The following DYNC1I1 variants were observed in gnomAD, a reference collection of about 807,000 sequenced individuals.
The protein encoded by DYNC1I1 is dynein cytoplasmic 1 intermediate chain 1.
Under a neutral mutation model 86.6 loss-of-function variants are expected in DYNC1I1, and 43 were observed. That is an observed-to-expected ratio of 0.50 (90% CI 0.39 to 0.64). The LOEUF (loss-of-function observed/expected upper bound fraction) is 0.64, where lower values mean the gene tolerates loss of function less well. Ranked by LOEUF, DYNC1I1 falls within the 30% of genes least tolerant of loss-of-function variation. DYNC1I1 has a pLI of 0.00. For synonymous variants in DYNC1I1, 262 were observed against 283.7 expected (o/e 0.92, Z 0.77); for missense variants, 604 against 788.8 (o/e 0.77, Z 2.81).
intron 4 of DYNC1I1, among the ~76,000 whole-genome samples, chr7:95,826,043 T>G (rs1289173412): frequency 6.6e-6 from 1 of 152,210 alleles, no homozygotes; most frequent in African/African-American, 2.4e-5. Context: ...CTGCTCAAAG[T>G]GTGTTCCACA....
intron 1 of DYNC1I1, among the ~76,000 whole-genome samples, chr7:95,788,226 C>G (rs998309361): frequency 6.6e-6 from 1 of 152,024 alleles, no homozygotes; most frequent in Non-Finnish European, 1.5e-5. Context: ...ATGAGAAGAC[C>G]CATTAGGGGG....
At chr7:96,108,048 G>A (rs745344137) in intron 16 of DYNC1I1, among the ~76,000 whole-genome samples, 9 of 151,838 alleles carry the variant, frequency 5.9e-5, no homozygotes, top group Admixed American at 1.3e-4. Flanking sequence ...ATATCTTATT[G>A]TATTGGCTAG....
At chr7:96,024,659 A>C (rs924080422) in intron 10 of DYNC1I1, among the ~76,000 whole-genome samples, 2 of 152,164 alleles carry the variant, frequency 1.3e-5, no homozygotes, top group Admixed American at 6.5e-5. Context: ...GAAGTAATGA[A>C]ATTTTTTAAA....
intron 10 of DYNC1I1, among the ~76,000 whole-genome samples, chr7:96,017,498 TA>T (rs1794432386): frequency 6.6e-6 from 1 of 152,188 alleles, no homozygotes. Flanking sequence ...CAGATATTGA[TA>T]TTTTTTAACT....
chr7:95,893,694 C>A (rs1445103763), intron 6 of DYNC1I1, among the ~76,000 whole-genome samples: 3 of 152,120 alleles, frequency 2.0e-5, no homozygotes, highest in Non-Finnish European at 4.4e-5. Flanking sequence ...GATGCAAAAC[C>A]TAGAGATCTA....
rs996078390 is a variant in DYNC1I1 at position 96,066,188 on chromosome 7, T to C, written c.1510-9869T>C. Among the ~76,000 whole-genome samples, 4 of 152,180 alleles carry C rather than the reference T, an allele frequency of 2.6e-5. No homozygotes were observed. The South Asian group carries it at 8.3e-4, about 32-fold the overall frequency. The stretch of plus-strand genomic sequence containing the variant: ...TTATATCCGTCTGGGAATACCATAC[T>C]GACTTAACCAGGTTTTTGCATGTTT... On this transcript the variant is annotated intron_variant, in intron 14 of 16. Coordinates refer to ENST00000447467, the MANE Select transcript of DYNC1I1 (RefSeq NM_001135556.2).
At chr7:96,047,140 C>A (rs183761061) in intron 14 of DYNC1I1, among the ~76,000 whole-genome samples, 1 of 152,112 alleles carries the variant, frequency 6.6e-6, no homozygotes, top group Non-Finnish European at 1.5e-5. Context: ...GGCTAACAGG[C>A]TCCTTGAAGC....
At chr7:95,865,711 A>G (rs1052921107) in intron 5 of DYNC1I1, among the ~76,000 whole-genome samples, 5 of 152,182 alleles carry the variant, frequency 3.3e-5, no homozygotes, top group Non-Finnish European at 7.3e-5. Flanking sequence ...ATTGTGCTAC[A>G]ACTGCCTACG....
intron 5 of DYNC1I1, among the ~76,000 whole-genome samples, chr7:95,836,161 A>T (rs1408953253): frequency 6.6e-6 from 1 of 152,006 alleles, no homozygotes; most frequent in Non-Finnish European, 1.5e-5. Flanking sequence ...CTTTTAGGGC[A>T]GGCCTGGTGG....
intron 7 of DYNC1I1, among the ~76,000 whole-genome samples, chr7:95,978,701 C>T (rs943187698): frequency 2.0e-5 from 3 of 152,118 alleles, no homozygotes; most frequent in Admixed American, 6.5e-5. Context: ...CCTACTGATC[C>T]CAAGTACTCA....
chr7:96,082,033 C>T (rs1790535513), intron 16 of DYNC1I1, among the ~76,000 whole-genome samples: 1 of 152,042 alleles, frequency 6.6e-6, no homozygotes, highest in Non-Finnish European at 1.5e-5. Context: ...TAATATTGGC[C>T]CCAGTGGTGA....
chr7:95,870,091 G>C (rs1790123472), intron 6 of DYNC1I1, 93 bp downstream of exon 6: 1 of 1,087,640 alleles, frequency 9.2e-7, no homozygotes, highest in Non-Finnish European at 1.3e-6. Flanking sequence ...TACCATAAGA[G>C]CTCTTCATGG....
chr7:96,075,131 C>CTGGTGT (rs1790291247), intron 14 of DYNC1I1, among the ~76,000 whole-genome samples: 1 of 152,178 alleles, frequency 6.6e-6, no homozygotes, highest in Admixed American at 6.5e-5. Context: ...TCATGAAGTC[C>CTGGTGT]AATTACGTTT....
At chr7:96,038,640 G>A (rs1489282074) in intron 13 of DYNC1I1, among the ~76,000 whole-genome samples, 2 of 152,050 alleles carry the variant, frequency 1.3e-5, no homozygotes, top group Non-Finnish European at 2.9e-5. Flanking sequence ...TGCCCGTATG[G>A]GATTTACAGT....
intron 16 of DYNC1I1, among the ~76,000 whole-genome samples, chr7:96,094,844 C>T (rs1790955633): frequency 1.3e-5 from 2 of 152,142 alleles, no homozygotes; most frequent in Admixed American, 6.5e-5. Context: ...TCATGTTCTA[C>T]TCTAGAATTT....
chr7:95,806,810 A>T (rs986000258), intron 2 of DYNC1I1, among the ~76,000 whole-genome samples: 7 of 152,074 alleles, frequency 4.6e-5, no homozygotes, highest in African/African-American at 1.7e-4. Flanking sequence ...TCTTTCCTTG[A>T]TTCTGTCCAT....
intron 5 of DYNC1I1, among the ~76,000 whole-genome samples, chr7:95,856,028 C>G (rs1311822035): frequency 6.6e-6 from 1 of 152,146 alleles, no homozygotes; most frequent in Non-Finnish European, 1.5e-5. Flanking sequence ...ACTTTATAAG[C>G]TTTGTAATCT....
rs1198920395 is a variant in DYNC1I1 at position 95,772,620 on chromosome 7, G to C, written c.-163G>C. The C allele has an allele frequency of 1.3e-5, 2 of 152,156 alleles. No individual in the cohort carries two copies. Among genetic ancestry groups the C allele is most frequent in the African/African-American group, 4.8e-5 (2 of 41,434 alleles). The allele number at this position is 152,156 out of a possible 1,614,324, so 9.4% of individuals were successfully genotyped here. A position where few individuals can be genotyped will look rare whatever the true frequency, so the allele number is the denominator to read the frequency against. ...AGAGAGGAAGTGATCGCTCCCGGAG[G>C]AGCGCGAGCCGAGCGGCCGGCGCAG... On this transcript the variant is annotated 5_prime_UTR_variant, in exon 1 of 17. Transcript: ENST00000447467.
chr7:96,036,142 T>C (rs1218308388), intron 13 of DYNC1I1, among the ~76,000 whole-genome samples: 1 of 152,164 alleles, frequency 6.6e-6, no homozygotes, highest in African/African-American at 2.4e-5. Flanking sequence ...CATTTCTCCC[T>C]TTTTGGCCTG....
Sources: gnomAD v4.1 joint callset for allele counts (sites outside exome capture counted in the v4.1 genomes callset) on GRCh38, gnomAD v4.1.1 for gene constraint, MANE v1.5 for transcripts, NCBI Gene and HGNC (gene_info 2026-07-23, HGNC 2026-07-21) for gene names.